Variants in KLHL18 observed in about 807,000 individuals in gnomAD.
KLHL18 encodes the protein kelch like family member 18.
A neutral mutation model predicts 58.5 loss-of-function variants in KLHL18; 38 were observed. That is an observed-to-expected ratio of 0.65 (90% CI 0.50 to 0.85). KLHL18 has a LOEUF of 0.85. Among genes scored for constraint, KLHL18 ranks in the 40% least tolerant of loss-of-function variants. KLHL18 has a pLI of 0.00. For synonymous variants in KLHL18, 303 were observed against 301.9 expected (o/e 1.00, Z -0.04); for missense variants, 624 against 778.4 (o/e 0.80, Z 2.36).
At position 47,343,702 on chromosome 3, in the gene KLHL18, A is replaced by G. The variant is rs1704162865; in HGVS notation, c.1486A>G (p.Met496Val). The G allele has an allele frequency of 1.9e-6, 3 of 1,614,062 alleles. No individual in the cohort carries two copies. Among genetic ancestry groups the G allele is most frequent in the Admixed American group, 1.7e-5 (1 of 60,006 alleles). The change falls in exon 10 of 10, where the codon ATG becomes GTG. Residue 496 changes from methionine (M) to valine (V), a missense_variant. By Grantham distance (21) the Met-to-Val change is conservative. Coordinates refer to ENST00000232766, the MANE Select transcript of KLHL18 (RefSeq NM_025010.5). ...CTCTGGCTTCCTCAGCATTGCCGAG[A>G]TGTACAGCTCTGTGGCAGACCAGTG... ...DGSGFLSIAE[M>V]YSSVADQWCL...
At chr3:47,324,983 G>A (rs1054178199) in intron 3 of KLHL18, among the ~76,000 whole-genome samples, 21 of 152,234 alleles carry the variant, frequency 1.4e-4, no homozygotes, top group African/African-American at 5.1e-4. Context: ...GACCCTTTCT[G>A]AGACCTAAAC....
chr3:47,329,338 C>T (rs534224846), intron 3 of KLHL18, among the ~76,000 whole-genome samples: 2 of 152,240 alleles, frequency 1.3e-5, no homozygotes, highest in South Asian at 4.1e-4. Context: ...CAGCATTCTC[C>T]TGCCTCAGCC....
intron 3 of KLHL18, among the ~76,000 whole-genome samples, chr3:47,326,350 T>C (rs946812530): frequency 6.6e-6 from 1 of 152,240 alleles, no homozygotes; most frequent in African/African-American, 2.4e-5. Flanking sequence ...CACCGCTTCC[T>C]GCCTCTGATA....
At chr3:47,318,839 C>T (rs1421333669) in intron 1 of KLHL18, among the ~76,000 whole-genome samples, 1 of 152,172 alleles carries the variant, frequency 6.6e-6, no homozygotes, top group African/African-American at 2.4e-5. Flanking sequence ...CTTCCAACCT[C>T]AATCCTTGGA....
intron 1 of KLHL18, among the ~76,000 whole-genome samples, chr3:47,301,991 G>A (rs1003884080): frequency 1.3e-5 from 2 of 151,944 alleles, no homozygotes; most frequent in African/African-American, 2.4e-5. Flanking sequence ...TTGTAGAGAC[G>A]GGATCTTGCC....
chr3:47,316,502 TATATATATACATATATAC>T (rs1559495456), intron 1 of KLHL18, among the ~76,000 whole-genome samples: 677 of 6,538 alleles, frequency 0.1, 233 homozygotes, highest in Middle Eastern at 0.75. Flanking sequence ...CATATATATG[TATATATATACATATATAC>T]ATATATATGT....
chr3:47,316,527 A>ACATATATATGTATATGTG (rs1703433264), intron 1 of KLHL18, among the ~76,000 whole-genome samples: 1 of 6,168 alleles, frequency 1.6e-4, no homozygotes, highest in African/African-American at 2.3e-4. Flanking sequence ...ATACATATAT[A>ACATATATATGTATATGTG]TGTATATATA....
At chr3:47,335,664 C>T (rs1414975256) in intron 6 of KLHL18, among the ~76,000 whole-genome samples, 2 of 152,230 alleles carry the variant, frequency 1.3e-5, no homozygotes, top group South Asian at 2.1e-4. Context: ...CATGCTACCA[C>T]GCCCAGCTAA....
At chr3:47,306,689 T>C (rs963459994) in intron 1 of KLHL18, among the ~76,000 whole-genome samples, 1 of 152,232 alleles carries the variant, frequency 6.6e-6, no homozygotes, top group East Asian at 1.9e-4. Flanking sequence ...CAACTTTTCA[T>C]GATCATGTTA....
intron 1 of KLHL18, among the ~76,000 whole-genome samples, chr3:47,292,235 G>A (rs1199109742): frequency 6.6e-6 from 1 of 152,188 alleles, no homozygotes; most frequent in Non-Finnish European, 1.5e-5. Context: ...AGCACTTTGG[G>A]AGGCCAGGGT....
chr3:47,318,429 T>C (rs1703506599), intron 1 of KLHL18, among the ~76,000 whole-genome samples: 1 of 152,216 alleles, frequency 6.6e-6, no homozygotes, highest in Non-Finnish European at 1.5e-5. Flanking sequence ...CAGTGCCTTT[T>C]ATGACCTAGC....
chr3:47,301,668 C>A (rs1703028837), intron 1 of KLHL18, among the ~76,000 whole-genome samples: 1 of 152,182 alleles, frequency 6.6e-6, no homozygotes, highest in Admixed American at 6.5e-5. Context: ...ATGTTGACCC[C>A]CTGCCCCCAT....
At chr3:47,286,690 T>C (rs1461133847) in intron 1 of KLHL18, among the ~76,000 whole-genome samples, 1 of 152,214 alleles carries the variant, frequency 6.6e-6, no homozygotes, top group Non-Finnish European at 1.5e-5. Flanking sequence ...CTGAGAGCCA[T>C]GGTTGTAGGG....
chr3:47,298,381 A>AACC (rs1285080080), intron 1 of KLHL18, among the ~76,000 whole-genome samples: 1 of 151,904 alleles, frequency 6.6e-6, no homozygotes, highest in East Asian at 1.9e-4. Context: ...AAGAGAAAAA[A>AACC]ACCTGTTTAG....
Position 47,344,699 on chromosome 3 carries a change from A to C in KLHL18, c.*758A>C, listed in dbSNP as rs1704189916. ...TTATGTGAACAAATTTTGCAAGAAG[A>C]AAAAAGCATAAAAGACACTAACGGC... On this transcript the variant is annotated 3_prime_UTR_variant, in exon 10 of 10. Transcript: ENST00000232766. 6.5e-6 allele frequency: 1 copy of C among 152,674 alleles called. No individual in the cohort carries two copies. Among genetic ancestry groups the C allele is most frequent in the Admixed American group, 6.5e-5 (1 of 15,292 alleles). The allele number at this position is 152,674 out of a possible 1,614,324, so 9.5% of individuals were successfully genotyped here.
chr3:47,302,695 C>T (rs944058660), intron 1 of KLHL18, among the ~76,000 whole-genome samples: 3 of 152,114 alleles, frequency 2.0e-5, no homozygotes, highest in African/African-American at 4.8e-5. Context: ...AAGCCGGTGT[C>T]GTTCAAGGAT....
At chr3:47,319,858 G>C in intron 2 of KLHL18, 75 bp downstream of exon 2, 1 of 1,512,166 alleles carries the variant, frequency 6.6e-7, no homozygotes, top group South Asian at 1.1e-5. Flanking sequence ...TTCCGTTGAG[G>C]ACCTGCAGCA....
rs771335443 is a variant in KLHL18 at position 47,336,619 on chromosome 3, G to A, written c.983G>A (p.Arg328His). The change falls in exon 7 of 10, where the codon CGC becomes CAC. Residue 328 changes from arginine to histidine, a missense_variant. Transcript: ENST00000232766. ...CGTCCCATGACAACAGCCCGCAGCC[G>A]CGTTGGCGTGGCTGTGGTGAACGGG... The part of the protein sequence containing the change: ...RCRPMTTARS[R>H]VGVAVVNGLL... 1.2e-6 allele frequency: 2 copies of A among 1,614,224 alleles called. No homozygotes were observed. Among genetic ancestry groups the A allele is most frequent in the Admixed American group, 1.7e-5 (1 of 60,028 alleles).
At chr3:47,295,828 C>T (rs1226199341) in intron 1 of KLHL18, among the ~76,000 whole-genome samples, 3 of 152,164 alleles carry the variant, frequency 2.0e-5, no homozygotes, top group Non-Finnish European at 2.9e-5. Flanking sequence ...AATCCTCCCA[C>T]CTCGGCCTCA....
Sources: allele counts gnomAD v4.1 joint callset (sites outside exome capture counted in the v4.1 genomes callset), GRCh38; gene constraint gnomAD v4.1.1; transcripts MANE v1.5; gene names NCBI Gene and HGNC (gene_info 2026-07-23, HGNC 2026-07-21).